The following ASB6 variants were observed in gnomAD, a reference collection of about 807,000 sequenced individuals.
ASB6 encodes the protein ankyrin repeat and SOCS box containing 6, also known as ankyrin repeat and SOCS box protein 6.
A neutral mutation model predicts 28.6 loss-of-function variants in ASB6; 24 were observed. The observed-to-expected ratio is 0.84, with a 90% CI of 0.61 to 1.18. The LOEUF (loss-of-function observed/expected upper bound fraction) is 1.18. Among genes scored for constraint, ASB6 ranks in the 50% most tolerant of loss-of-function variants. The pLI is 0.00. For missense variants in ASB6, 519 were observed against 559.8 expected (o/e 0.93, Z 0.74); for synonymous variants, 267 against 243.4 (o/e 1.10, Z -0.90).
Position 129,642,087 on chromosome 9 carries a change from GA to G in ASB6, c.-89del. On this transcript the variant is annotated 5_prime_UTR_variant, in exon 1 of 6. Transcript: ENST00000277458. This position sits in a 1 kb window ranked among gnomAD's most constrained non-coding sequence, Gnocchi z 4.3. ...CGACCGGAACGCTCCGGCGGCCGCGGACCCCACCTGCTCCGCCAGTCCAGCC... is the reference window on the plus strand; with the variant it reads ...CGACCGGAACGCTCCGGCGGCCGCGGCCCCACCTGCTCCGCCAGTCCAGCC... 2 of 1,427,460 alleles carry G rather than the reference GA, an allele frequency of 1.4e-6. No individual in the cohort carries two copies. Among genetic ancestry groups the G allele is most frequent in the South Asian group, 2.9e-5 (2 of 69,964 alleles). 88.4% of individuals were successfully genotyped at this position (1,427,460 alleles called of 1,614,324 possible).
At position 129,637,733 on chromosome 9, in the gene ASB6, C is replaced by G. The variant is rs1831589600; in HGVS notation, c.*57G>C. On this transcript the variant is annotated 3_prime_UTR_variant, in exon 6 of 6. Transcript: ENST00000277458. ...CCCTCTTCTAATGCTGTCCCAGCAT[C>G]TACCAACAGGCTGACCTGAGCTGCC... 1.4e-6 allele frequency: 2 copies of G among 1,436,476 alleles called. No homozygotes were observed. The highest frequency in any genetic ancestry group is 2.9e-5 in the South Asian group (2 of 67,984). The allele number at this position is 1,436,476 out of a possible 1,614,324, so 89.0% of individuals were successfully genotyped here. A position where few individuals can be genotyped will look rare whatever the true frequency, so the allele number is the denominator to read the frequency against.
Position 129,634,775 on chromosome 9 carries a change from G to T in ASB6, c.*3015C>A, listed in dbSNP as rs111712645. 9.2e-4 allele frequency: 221 copies of T among 239,938 alleles called. 3 individuals are homozygous for T. Among genetic ancestry groups the T allele is most frequent in the African/African-American group, 4.4e-3 (191 of 43,736 alleles). 14.9% of individuals were successfully genotyped at this position (239,938 alleles called of 1,614,324 possible). ...CTCCTGAGGCGGGCAGCACAGGCCTGCTGTGGACACTCTAGGTCTGGCCTT... is the reference window on the plus strand; with the variant it reads ...CTCCTGAGGCGGGCAGCACAGGCCTTCTGTGGACACTCTAGGTCTGGCCTT... On this transcript the variant is annotated 3_prime_UTR_variant, in exon 6 of 6. Transcript: ENST00000277458.
chr9:129,640,056 A>G (rs186308982), intron 2 of ASB6, among the ~76,000 whole-genome samples: 39 of 152,252 alleles, frequency 2.6e-4, no homozygotes, highest in Admixed American at 2.2e-3. Context: ...AACACAGAGA[A>G]AGGAGCTCGG....
chr9:129,635,014 CCT>C lies in ASB6; in HGVS notation c.*2774_*2775del, dbSNP rs1831446456. 2 of 651,414 alleles carry C rather than the reference CCT, an allele frequency of 3.1e-6. No homozygotes were observed. The highest frequency in any genetic ancestry group is 4.0e-5 in the South Asian group (2 of 50,376). 40.4% of individuals were successfully genotyped at this position (651,414 alleles called of 1,614,324 possible). A position where few individuals can be genotyped will look rare whatever the true frequency, so the allele number is the denominator to read the frequency against. On this transcript the variant is annotated 3_prime_UTR_variant, in exon 6 of 6. Coordinates refer to ENST00000277458, the MANE Select transcript of ASB6 (RefSeq NM_017873.4). ...GCTTAATGTGTCTTTAGGTAGATGA[CCT>C]CTGAGCCACAGTTTCCTATTCTATG...
Position 129,638,069 on chromosome 9 carries a change from G to C in ASB6, c.987C>G (p.Val329=). The change falls in exon 6 of 6, where the codon GTC becomes GTG. Residue 329 remains valine (V), a synonymous_variant. Coordinates refer to ENST00000277458, the MANE Select transcript of ASB6 (RefSeq NM_017873.4). ...GAGAGTTGGTCACCATGAGATCCAG[G>C]ACAGTCTCAGCTTTGCGCAGGAGGT... The part of the protein sequence containing the change: ...HADLLRKAET[V]LDLMVTNSQK... The C allele has an allele frequency of 6.2e-7, 1 of 1,614,178 alleles. No homozygotes were observed. The highest frequency in any genetic ancestry group is 8.5e-7 in the Non-Finnish European group (1 of 1,180,050).
At position 129,638,661 on chromosome 9, in the gene ASB6, TAGGG is replaced by T; in HGVS notation, c.512-6_512-3del. ...GAGCATGGAGCAGAGCAGTTTTTCC[TAGGG>T]AGGGAGGGAGAGCAAGGAGGAGCAG... On this transcript the variant is annotated splice_polypyrimidine_tract_variant and splice_region_variant and intron_variant, in intron 4 of 5. Transcript: ENST00000277458. 5 of 1,610,864 alleles carry T rather than the reference TAGGG, an allele frequency of 3.1e-6. No homozygotes were observed. Among genetic ancestry groups the T allele is most frequent in the Non-Finnish European group, 4.2e-6 (5 of 1,178,842 alleles).
intron 2 of ASB6, 74 bp downstream of exon 2, chr9:129,640,467 G>A: frequency 5.2e-6 from 8 of 1,528,710 alleles, no homozygotes; most frequent in South Asian, 2.6e-5. Context: ...AGAAGCCAAG[G>A]CTGGGGACAT....
At chr9:129,638,891 T>C (rs1265695000) in intron 4 of ASB6, among the ~76,000 whole-genome samples, 7 of 152,224 alleles carry the variant, frequency 4.6e-5, no homozygotes, top group Non-Finnish European at 1.0e-4. Flanking sequence ...GACCCCAAGA[T>C]GCTACCTGAG....
chr9:129,635,610 T>A lies in ASB6; in HGVS notation c.*2180A>T. On this transcript the variant is annotated 3_prime_UTR_variant, in exon 6 of 6. Transcript: ENST00000277458. ...TCTGCCGTCCACTCATTATGCGGGC[T>A]CTTCTTCAAAAGGCAAGGTGGGACC... 2 of 1,057,524 alleles carry A rather than the reference T, an allele frequency of 1.9e-6. No individual in the cohort carries two copies. Among genetic ancestry groups the A allele is most frequent in the Non-Finnish European group, 2.7e-6 (2 of 731,978 alleles). The allele number at this position is 1,057,524 out of a possible 1,614,324, so 65.5% of individuals were successfully genotyped here.
In ASB6 at chr9:129,638,190, C is replaced by T. The variant is rs943986436; in HGVS notation, c.866G>A (p.Cys289Tyr). ...FLLESGAAYN[C>Y]SLHGASCWSG... ...CCAGCAGGACGCACCGTGCAGGGAG[C>T]AGTTGTAGGCGGCTCCGGACTCCAG... is the stretch of plus-strand genomic sequence containing the variant. The change falls in exon 6 of 6, where the codon TGC becomes TAC. Residue 289 changes from cysteine to tyrosine, a missense_variant. Coordinates refer to ENST00000277458, the MANE Select transcript of ASB6 (RefSeq NM_017873.4). 6.2e-7 allele frequency: 1 copy of T among 1,613,322 alleles called. No individual in the cohort carries two copies. The highest frequency in any genetic ancestry group is 8.5e-7 in the Non-Finnish European group (1 of 1,179,756).
In ASB6 at chr9:129,641,982, G is replaced by C; in HGVS notation, c.18C>G (p.Gly6=). Residue 6 remains glycine (G), a synonymous_variant, in exon 1 of 6, where the codon GGC becomes GGG. Transcript: ENST00000277458. MPFLH[G]FRRIIFEYQP... ...GGTACTCGAAGATGATCCTCCGGAA[G>C]CCGTGCAGGAACGGCATCGCCGCGG... The C allele has an allele frequency of 6.2e-7, 1 of 1,601,594 alleles. No individual in the cohort carries two copies. Among genetic ancestry groups the C allele is most frequent in the East Asian group, 2.3e-5 (1 of 43,376 alleles).
chr9:129,641,520 C>T (rs1190510730), intron 1 of ASB6, among the ~76,000 whole-genome samples: 1 of 152,232 alleles, frequency 6.6e-6, no homozygotes, highest in Non-Finnish European at 1.5e-5. Flanking sequence ...GCAAACTCTG[C>T]TACAAAAGCC....
Position 129,635,839 on chromosome 9 carries a change from C to T in ASB6, c.*1951G>A, listed in dbSNP as rs1831521257. ...GGCTGCCTGAAGAGGAAGGAAACCA[C>T]CCCCAACTTGGTTGCTGGGGACTTG... On this transcript the variant is annotated 3_prime_UTR_variant, in exon 6 of 6. Coordinates refer to ENST00000277458, the MANE Select transcript of ASB6 (RefSeq NM_017873.4). 8.8e-6 allele frequency: 2 copies of T among 227,590 alleles called. No homozygotes were observed. Among genetic ancestry groups the T allele is most frequent in the African/African-American group, 4.6e-5 (2 of 43,378 alleles). The allele number at this position is 227,590 out of a possible 1,614,324, so 14.1% of individuals were successfully genotyped here.
chr9:129,639,650 C>G (rs1588150659), intron 2 of ASB6, 142 bp from the exon 3 acceptor site: 1 of 724,536 alleles, frequency 1.4e-6, no homozygotes, highest in Non-Finnish European at 2.2e-6. Flanking sequence ...AGGGTTAGGA[C>G]AGAGCTGTCC....
rs1031568031 is a variant in ASB6 at position 129,634,727 on chromosome 9, G to C, written c.*3063C>G. 1 of 220,114 alleles carries C rather than the reference G, an allele frequency of 4.5e-6. No individual in the cohort carries two copies. The highest frequency in any genetic ancestry group is 9.0e-6 in the Non-Finnish European group (1 of 110,864). 13.6% of individuals were successfully genotyped at this position (220,114 alleles called of 1,614,324 possible). A position where few individuals can be genotyped will look rare whatever the true frequency, so the allele number is the denominator to read the frequency against. ...GCCCTGGGCTGCTGACGTGGCGGCAGGCCGCTAGCAGCAGTCGGCCACCTC... is the reference window on the plus strand; with the variant it reads ...GCCCTGGGCTGCTGACGTGGCGGCACGCCGCTAGCAGCAGTCGGCCACCTC... On this transcript the variant is annotated 3_prime_UTR_variant, in exon 6 of 6. Coordinates refer to ENST00000277458, the MANE Select transcript of ASB6 (RefSeq NM_017873.4).
At position 129,640,560 on chromosome 9, in the gene ASB6, C is replaced by T; in HGVS notation, c.276G>A (p.Gly92=). ...GCTGACCTTCAAAGTTGAGATTGGC[C>T]CCATGCCGCAAGAGAACGTCGGCCG... ...TRAADVLLRH[G]ANLNFEDPVT... Residue 92 remains glycine (G), a synonymous_variant, in exon 2 of 6, where the codon GGG becomes GGA. Coordinates refer to ENST00000277458, the MANE Select transcript of ASB6 (RefSeq NM_017873.4). The T allele has an allele frequency of 6.2e-7, 1 of 1,611,036 alleles. No homozygotes were observed.
chr9:129,637,265 G>C lies in ASB6; in HGVS notation c.*525C>G, dbSNP rs1230295843. The stretch of plus-strand genomic sequence containing the variant: ...GGGCCAGCTTGGCTTGCAACACCAT[G>C]AAACAAGCCTGTGGGGCCCTTAGTG... On this transcript the variant is annotated 3_prime_UTR_variant, in exon 6 of 6. Transcript: ENST00000277458. 2.0e-5 allele frequency: 3 copies of C among 152,332 alleles called. No homozygotes were observed. The highest frequency in any genetic ancestry group is 4.4e-5 in the Non-Finnish European group (3 of 68,126). 9.4% of individuals were successfully genotyped at this position (152,332 alleles called of 1,614,324 possible). A position where few individuals can be genotyped will look rare whatever the true frequency, so the allele number is the denominator to read the frequency against.
At position 129,634,899 on chromosome 9, in the gene ASB6, C is replaced by G. The variant is rs1046879426; in HGVS notation, c.*2891G>C. 1.2e-4 allele frequency: 45 copies of G among 375,304 alleles called. No homozygotes were observed. Among genetic ancestry groups the G allele is most frequent in the African/African-American group, 8.5e-4 (41 of 48,498 alleles). The allele number at this position is 375,304 out of a possible 1,614,324, so 23.2% of individuals were successfully genotyped here. A position where few individuals can be genotyped will look rare whatever the true frequency, so the allele number is the denominator to read the frequency against. Reference sequence around the variant, plus strand: ...ATGCCAAACTCTTAGCCCAGGTTCACTCCTCCGATCCAAGCCTGGCAGGGG... The same window carrying G: ...ATGCCAAACTCTTAGCCCAGGTTCAGTCCTCCGATCCAAGCCTGGCAGGGG... On this transcript the variant is annotated 3_prime_UTR_variant, in exon 6 of 6. Coordinates refer to ENST00000277458, the MANE Select transcript of ASB6 (RefSeq NM_017873.4).
rs1377922802 is a variant in ASB6 at position 129,642,089 on chromosome 9, C to T, written c.-90G>A. 2.1e-6 allele frequency: 3 copies of T among 1,427,376 alleles called. No individual in the cohort carries two copies. In the African/African-American group the frequency reaches 4.5e-5, roughly 21 times the overall value. The allele number at this position is 1,427,376 out of a possible 1,614,324, so 88.4% of individuals were successfully genotyped here. A position where few individuals can be genotyped will look rare whatever the true frequency, so the allele number is the denominator to read the frequency against. On this transcript the variant is annotated 5_prime_UTR_variant, in exon 1 of 6. Coordinates refer to ENST00000277458, the MANE Select transcript of ASB6 (RefSeq NM_017873.4). This position sits in a 1 kb window ranked among gnomAD's most constrained non-coding sequence, Gnocchi z 4.3. Reference sequence around the variant, plus strand: ...ACCGGAACGCTCCGGCGGCCGCGGACCCCACCTGCTCCGCCAGTCCAGCCC... The same window carrying T: ...ACCGGAACGCTCCGGCGGCCGCGGATCCCACCTGCTCCGCCAGTCCAGCCC...
Sources: gnomAD v4.1 joint callset for allele counts (sites outside exome capture counted in the v4.1 genomes callset) on GRCh38, gnomAD v4.1.1 for gene constraint, Gnocchi (gnomAD v3.1) non-coding constraint, MANE v1.5 for transcripts, NCBI Gene and HGNC (gene_info 2026-07-23, HGNC 2026-07-21) for gene names.